Variants in DPP10 observed in about 807,000 individuals in gnomAD.
DPP10 encodes the protein dipeptidyl peptidase like 10.
A neutral mutation model predicts 120.9 loss-of-function variants in DPP10; 33 were observed. The observed-to-expected ratio is 0.27, with a 90% CI of 0.21 to 0.37. The LOEUF (loss-of-function observed/expected upper bound fraction) is 0.37. Ranked by LOEUF, DPP10 falls within the 10% of genes least tolerant of loss-of-function variation. DPP10 has a pLI of 1.00. For missense variants in DPP10, 816 were observed against 942.8 expected, an observed-to-expected ratio of 0.87 and a Z score of 1.76; for synonymous variants, 337 against 326.1, an observed-to-expected ratio of 1.03 and a Z score of -0.36.
At chr2:115,277,722 T>C (rs1234220292) in intron 1 of DPP10, among the ~76,000 whole-genome samples, 1 of 152,080 alleles carries the variant, frequency 6.6e-6, no homozygotes, top group Non-Finnish European at 1.5e-5. Context: ...GAGCAGTTTA[T>C]GACAGTATTT....
intron 1 of DPP10, among the ~76,000 whole-genome samples, chr2:114,587,807 T>C (rs1053767560): frequency 6.6e-6 from 1 of 152,232 alleles, no homozygotes; most frequent in Non-Finnish European, 1.5e-5. Flanking sequence ...GAGCACATAG[T>C]ACATTGATTT....
chr2:115,041,555 T>G (rs1161777685), intron 1 of DPP10, among the ~76,000 whole-genome samples: 1 of 152,188 alleles, frequency 6.6e-6, no homozygotes, highest in Non-Finnish European at 1.5e-5. Flanking sequence ...CTTAAGCATT[T>G]CAGCTCTTAT....
intron 1 of DPP10, among the ~76,000 whole-genome samples, chr2:114,460,513 A>G (rs1351285498): frequency 6.6e-6 from 1 of 152,194 alleles, no homozygotes; most frequent in Non-Finnish European, 1.5e-5. Context: ...GAAAAAAACT[A>G]CTGAGTAAAT....
chr2:114,641,139 A>G (rs1364763075), intron 1 of DPP10, among the ~76,000 whole-genome samples: 2 of 152,014 alleles, frequency 1.3e-5, no homozygotes, highest in Non-Finnish European at 2.9e-5. Context: ...TAATAACAAT[A>G]AAACGGTGGC....
At chr2:115,113,483 C>A (rs1189441282) in intron 1 of DPP10, among the ~76,000 whole-genome samples, 1 of 151,910 alleles carries the variant, frequency 6.6e-6, no homozygotes, top group Non-Finnish European at 1.5e-5. Context: ...ACCCCTTGGC[C>A]CAAGGAAAAC....
intron 1 of DPP10, among the ~76,000 whole-genome samples, chr2:115,283,172 T>C (rs1559362126): frequency 6.6e-6 from 1 of 152,086 alleles, no homozygotes. Context: ...CGGGGCTTCC[T>C]GTGTCTTAGG....
intron 1 of DPP10, among the ~76,000 whole-genome samples, chr2:114,743,069 C>T (rs1319438478): frequency 1.3e-5 from 2 of 152,208 alleles, no homozygotes; most frequent in African/African-American, 2.4e-5. Flanking sequence ...AGAGAATCAA[C>T]TGAAATCCAT....
In DPP10 at chr2:115,444,234, T is replaced by G. The variant is rs538148454; in HGVS notation, c.272-55276T>G. On this transcript the variant is annotated intron_variant, in intron 3 of 25. Transcript: ENST00000410059. ...TTTTTGCCTTGTTTTCAACCTATTT[T>G]TCTTCTCACTTCAATAAATACTCTT... 5.3e-5 allele frequency among the ~76,000 whole-genome samples: 8 copies of G among 152,326 alleles called. No homozygotes were observed. The South Asian group carries it at 1.7e-3, about 32-fold the overall frequency.
chr2:114,617,431 T>C (rs868455445), intron 1 of DPP10, among the ~76,000 whole-genome samples: 24 of 152,146 alleles, frequency 1.6e-4, no homozygotes, highest in African/African-American at 5.5e-4. Flanking sequence ...GCAAAGATGT[T>C]AATGCTGATT....
intron 1 of DPP10, among the ~76,000 whole-genome samples, chr2:115,279,826 T>C (rs1407511573): frequency 6.6e-6 from 1 of 151,940 alleles, no homozygotes; most frequent in Non-Finnish European, 1.5e-5. Flanking sequence ...CACGCCCAGC[T>C]AATTTTTCTA....
chr2:115,026,958 G>T (rs1703507413), intron 1 of DPP10, among the ~76,000 whole-genome samples: 2 of 152,008 alleles, frequency 1.3e-5, no homozygotes, highest in Non-Finnish European at 2.9e-5. Context: ...CATGAGCTTG[G>T]AATATTTTTT....
At chr2:114,747,989 G>C (rs139695277) in intron 1 of DPP10, among the ~76,000 whole-genome samples, 159 of 152,278 alleles carry the variant, frequency 1.0e-3, no homozygotes, top group Non-Finnish European at 1.9e-3. Context: ...TAGAGACTGA[G>C]AGTAAGCTCT....
At chr2:115,523,948 T>C (rs2077977771) in intron 4 of DPP10, among the ~76,000 whole-genome samples, 1 of 152,180 alleles carries the variant, frequency 6.6e-6, no homozygotes, top group Non-Finnish European at 1.5e-5. Flanking sequence ...CCAGTGAATG[T>C]TGTTATCTTC....
chr2:115,661,588 A>G (rs1242387328), intron 5 of DPP10, among the ~76,000 whole-genome samples: 1 of 152,224 alleles, frequency 6.6e-6, no homozygotes, highest in Non-Finnish European at 1.5e-5. Flanking sequence ...TCTATGGAGT[A>G]GAAGTTATTG....
chr2:114,526,939 A>C (rs1685550440), intron 1 of DPP10, among the ~76,000 whole-genome samples: 1 of 152,156 alleles, frequency 6.6e-6, no homozygotes, highest in Non-Finnish European at 1.5e-5. Context: ...CACCTATGCA[A>C]TTATCATTCC....
At chr2:115,669,621 C>G (rs1462255004) in intron 5 of DPP10, among the ~76,000 whole-genome samples, 1 of 152,076 alleles carries the variant, frequency 6.6e-6, no homozygotes, top group South Asian at 2.1e-4. Flanking sequence ...CAGATATTCT[C>G]TGTGGTGGCA....
rs1553520845 is a variant in DPP10 at position 115,233,040 on chromosome 2, T to TCTTAATCTTGACTGTAGATTGA, written c.61-76196_61-76175dup. 1.3e-4 allele frequency among the ~76,000 whole-genome samples: 19 copies of TCTTAATCTTGACTGTAGATTGA among 151,984 alleles called. No homozygotes were observed. In the East Asian group the frequency reaches 3.5e-3, roughly 28 times the overall value. ...ACTTTATCGATAGTGTCTATCGTCA[T>TCTTAATCTTGACTGTAGATTGA]CTTAATCTTGACTGTAGATTGACTG... On this transcript the variant is annotated intron_variant, in intron 1 of 25. Coordinates refer to ENST00000410059, the MANE Select transcript of DPP10 (RefSeq NM_020868.6).
At chr2:115,421,829 C>T (rs1256158121) in intron 3 of DPP10, among the ~76,000 whole-genome samples, 4 of 137,718 alleles carry the variant, frequency 2.9e-5, no homozygotes, top group Non-Finnish European at 4.6e-5. Flanking sequence ...CGAGATTGCT[C>T]CACTGCACTC....
chr2:114,993,204 C>T (rs989924310), intron 1 of DPP10, among the ~76,000 whole-genome samples: 1 of 152,090 alleles, frequency 6.6e-6, no homozygotes, highest in African/African-American at 2.4e-5. Flanking sequence ...CCCTACAGTT[C>T]CCAGAACCTA....
Sources: allele counts gnomAD v4.1 joint callset (sites outside exome capture counted in the v4.1 genomes callset), GRCh38; gene constraint gnomAD v4.1.1; transcripts MANE v1.5; gene names NCBI Gene and HGNC (gene_info 2026-07-23, HGNC 2026-07-21).